The following ARHGAP24 variants were observed in gnomAD, a reference collection of about 807,000 sequenced individuals.
ARHGAP24 encodes Rho GTPase activating protein 24, also known as rho GTPase-activating protein 24.
ARHGAP24 carries 50 observed loss-of-function variants against 76.4 expected under a neutral mutation model. The observed-to-expected ratio is 0.65, with a 90% confidence interval of 0.52 to 0.83. The LOEUF (loss-of-function observed/expected upper bound fraction) is 0.83, where lower values mean the gene tolerates loss of function less well. Among genes scored for constraint, ARHGAP24 ranks in the 40% least tolerant of loss-of-function variants. ARHGAP24 has a pLI of 0.00. For missense variants in ARHGAP24, 930 were observed against 914.2 expected (o/e 1.02, Z -0.22); for synonymous variants, 345 against 323.3 (o/e 1.07, Z -0.72).
At chr4:85,940,686 C>G (rs1030119581) in intron 4 of ARHGAP24, among the ~76,000 whole-genome samples, 4 of 152,168 alleles carry the variant, frequency 2.6e-5, no homozygotes, top group African/African-American at 7.2e-5. Flanking sequence ...GTTATCTGCT[C>G]TAATCTTTAT....
At chr4:85,687,130 A>C (rs1723452156) in intron 2 of ARHGAP24, among the ~76,000 whole-genome samples, 1 of 152,170 alleles carries the variant, frequency 6.6e-6, no homozygotes. Context: ...ATGGATAGAT[A>C]GATAATTTTA....
chr4:85,542,511 T>C (rs1375950801), intron 1 of ARHGAP24, among the ~76,000 whole-genome samples: 1 of 152,206 alleles, frequency 6.6e-6, no homozygotes, highest in African/African-American at 2.4e-5. Flanking sequence ...TCTATTTCTG[T>C]GCAGTTTGAC....
intron 3 of ARHGAP24, among the ~76,000 whole-genome samples, chr4:85,808,191 G>T (rs1172515027): frequency 1.3e-5 from 2 of 152,070 alleles, no homozygotes; most frequent in Admixed American, 6.6e-5. Context: ...AGAAAATTCT[G>T]TAGCAGGCAT....
intron 2 of ARHGAP24, among the ~76,000 whole-genome samples, chr4:85,586,740 A>C (rs1224144467): frequency 1.3e-5 from 2 of 151,974 alleles, no homozygotes; most frequent in Non-Finnish European, 2.9e-5. Flanking sequence ...TCTACTAAAA[A>C]TACAAAAATT....
At chr4:85,868,436 CA>C (rs1275500628) in intron 3 of ARHGAP24, among the ~76,000 whole-genome samples, 2 of 152,270 alleles carry the variant, frequency 1.3e-5, no homozygotes, top group East Asian at 3.9e-4. Context: ...GGATTCTCTA[CA>C]GAATGCAAAT....
chr4:85,985,440 A>G (rs1002503223), intron 8 of ARHGAP24, among the ~76,000 whole-genome samples: 12 of 152,150 alleles, frequency 7.9e-5, no homozygotes, highest in African/African-American at 1.4e-4. Context: ...ATGAGAACAC[A>G]TGGACAGAGG....
chr4:85,683,903 T>C (rs1234476891), intron 2 of ARHGAP24, among the ~76,000 whole-genome samples: 4 of 152,328 alleles, frequency 2.6e-5, no homozygotes, highest in African/African-American at 7.2e-5. Context: ...GTCCTCCAGG[T>C]TGCATCATAT....
intron 5 of ARHGAP24, among the ~76,000 whole-genome samples, chr4:85,965,376 T>TG (rs1738529745): frequency 6.6e-6 from 1 of 152,028 alleles, no homozygotes; most frequent in Non-Finnish European, 1.5e-5. Flanking sequence ...CCACAACACG[T>TG]GGGAATTATG....
intron 3 of ARHGAP24, among the ~76,000 whole-genome samples, chr4:85,737,990 G>A (rs551652683): frequency 5.9e-5 from 9 of 151,906 alleles, no homozygotes; most frequent in African/African-American, 2.2e-4. Flanking sequence ...GTATGATCTC[G>A]GCTCACTGCA....
In ARHGAP24 at chr4:85,541,555, C is replaced by G. The variant is rs960568465; in HGVS notation, c.-20-28967C>G. Among the ~76,000 whole-genome samples, 61 of 152,082 alleles carry G rather than the reference C, an allele frequency of 4.0e-4. 1 individual carries two copies. Among genetic ancestry groups the G allele is most frequent in the African/African-American group, 1.5e-3 (60 of 41,378 alleles). On this transcript the variant is annotated intron_variant, in intron 1 of 9. Coordinates refer to ENST00000395184, the MANE Select transcript of ARHGAP24 (RefSeq NM_001025616.3). ...TTTGTGTCTAGCGTCTTTAGCTTAA[C>G]ATAATTTTTTGAAAATAATCCATAT...
chr4:85,656,688 G>A (rs1244536575), intron 2 of ARHGAP24, among the ~76,000 whole-genome samples: 3 of 151,876 alleles, frequency 2.0e-5, no homozygotes, highest in East Asian at 1.9e-4. Flanking sequence ...GGATGGTCTC[G>A]ATCTCCTGAC....
intron 1 of ARHGAP24, among the ~76,000 whole-genome samples, chr4:85,541,144 T>G: frequency 5.5e-5 from 1 of 18,290 alleles, no homozygotes; most frequent in Non-Finnish European, 1.5e-4. Context: ...TCCATGACCT[T>G]TTTTTTTTTT....
chr4:85,835,452 A>G (rs1730217649), intron 3 of ARHGAP24, among the ~76,000 whole-genome samples: 1 of 148,560 alleles, frequency 6.7e-6, no homozygotes, highest in African/African-American at 2.5e-5. Context: ...CCCAGCTGGG[A>G]GGCTGAGGCA....
intron 1 of ARHGAP24, 73 bp downstream of exon 1, chr4:85,475,632 G>T (rs1239261996): frequency 4.2e-5 from 2 of 47,854 alleles, no homozygotes; most frequent in East Asian, 1.9e-3. Flanking sequence ...TGCGCCAGGG[G>T]AGGGGGCTGC....
In ARHGAP24 at chr4:85,923,663, G is replaced by C. The variant is rs145434155; in HGVS notation, c.284G>C (p.Arg95Pro). ...GTTTTCACAGGAGGCGATCGAGATC[G>C]GATGACAGCAAATCATGAAAGCTAC... ...FEVVPGGDRD[R>P]MTANHESYLL... Residue 95 changes from arginine to proline, a missense_variant, in exon 4 of 10, where the codon CGG becomes CCG. Arg to Pro is a moderately radical substitution (Grantham distance 103). Coordinates refer to ENST00000395184, the MANE Select transcript of ARHGAP24 (RefSeq NM_001025616.3). 1 of 1,613,704 alleles carries C rather than the reference G, an allele frequency of 6.2e-7. No homozygotes were observed. The highest frequency in any genetic ancestry group is 8.5e-7 in the Non-Finnish European group (1 of 1,179,810).
intron 4 of ARHGAP24, among the ~76,000 whole-genome samples, chr4:85,937,703 T>C (rs1030785895): frequency 2.2e-4 from 33 of 151,818 alleles, no homozygotes; most frequent in Middle Eastern, 3.4e-3. Flanking sequence ...TTAAAGGGAG[T>C]GAGACATGAA....
chr4:85,475,373 C>G lies in ARHGAP24; in HGVS notation c.-207C>G, dbSNP rs1364677909. The G allele has an allele frequency of 6.5e-6, 1 of 152,832 alleles. No homozygotes were observed. Among genetic ancestry groups the G allele is most frequent in the Non-Finnish European group, 1.5e-5 (1 of 68,230 alleles). The allele number at this position is 152,832 out of a possible 1,614,324, so 9.5% of individuals were successfully genotyped here. ...TCGCAGGCGCAGCTCTCTCGGCCGC[C>G]TATTTCCTCCGAAACCCGCGCTGCG... On this transcript the variant is annotated 5_prime_UTR_variant, in exon 1 of 10. Transcript: ENST00000395184.
At chr4:85,958,093 T>C (rs1738028079) in intron 5 of ARHGAP24, among the ~76,000 whole-genome samples, 1 of 152,200 alleles carries the variant, frequency 6.6e-6, no homozygotes, top group South Asian at 2.1e-4. Context: ...AAGAACGTAG[T>C]GTGGAAGTTA....
At chr4:85,914,166 C>T (rs6810816) in intron 3 of ARHGAP24, among the ~76,000 whole-genome samples, 46,579 of 152,050 alleles carry the variant, frequency 0.31, 7,379 homozygotes, top group South Asian at 0.5. Flanking sequence ...TTATATGATC[C>T]ATAGCTTTAA....
Sources: allele counts gnomAD v4.1 joint callset (sites outside exome capture counted in the v4.1 genomes callset), GRCh38; gene constraint gnomAD v4.1.1; transcripts MANE v1.5; gene names NCBI Gene and HGNC (gene_info 2026-07-23, HGNC 2026-07-21).